MCTP2: variants seen among roughly 807,000 people sequenced by gnomAD.
MCTP2 encodes multiple C2 and transmembrane domain containing 2.
In MCTP2, 132 loss-of-function variants were observed where a neutral mutation model predicts 111.6. The observed-to-expected ratio is 1.18, with a 90% CI of 1.03 to 1.37. MCTP2 has a LOEUF of 1.37. Ranked by LOEUF, MCTP2 falls within the 40% of genes most tolerant of loss-of-function variation. MCTP2 has a pLI of 0.00. For synonymous variants in MCTP2, 395 were observed against 387.7 expected (o/e 1.02, Z -0.22); for missense variants, 1,183 against 1,067.9 (o/e 1.11, Z -1.50).
At chr15:94,248,499 C>G (rs1396764550) in intron 1 of MCTP2, among the ~76,000 whole-genome samples, 1 of 152,204 alleles carries the variant, frequency 6.6e-6, no homozygotes, top group Non-Finnish European at 1.5e-5. Context: ...ATTGGCCAGT[C>G]AGGTAAGCCT....
At chr15:94,421,434 T>C (rs1300407370) in intron 17 of MCTP2, among the ~76,000 whole-genome samples, 1 of 152,208 alleles carries the variant, frequency 6.6e-6, no homozygotes, top group African/African-American at 2.4e-5. Flanking sequence ...ACAAATGTAT[T>C]ATCTTACAGT....
chr15:94,441,586 GTGTA>G (rs2083782764), intron 18 of MCTP2, among the ~76,000 whole-genome samples: 2 of 152,268 alleles, frequency 1.3e-5, no homozygotes, highest in East Asian at 1.9e-4. Context: ...GCACATAAGT[GTGTA>G]TGTATGTATA....
At chr15:94,298,861 C>CCT in intron 2 of MCTP2, 131 bp downstream of exon 2, 2 of 401,772 alleles carry the variant, frequency 5.0e-6, no homozygotes, top group South Asian at 3.2e-5. Flanking sequence ...CCTCCCCCTC[C>CCT]CTCTCTCTCT....
upstream of MCTP2, chr15:94,231,397 C>A (rs2070152558): frequency 6.6e-6 from 1 of 152,374 alleles, no homozygotes; most frequent in Non-Finnish European, 1.5e-5. Flanking sequence ...CGCCTCCTTG[C>A]AACACCCGGC....
At chr15:94,410,860 G>A (rs557422840) in intron 17 of MCTP2, among the ~76,000 whole-genome samples, 21 of 152,298 alleles carry the variant, frequency 1.4e-4, no homozygotes, top group African/African-American at 5.1e-4. Flanking sequence ...GCCTGTGGCC[G>A]CATCAGTAGC....
At chr15:94,396,886 A>G (rs1319083005) in intron 14 of MCTP2, among the ~76,000 whole-genome samples, 1 of 152,224 alleles carries the variant, frequency 6.6e-6, no homozygotes, top group Non-Finnish European at 1.5e-5. Context: ...ACCAAGTCAT[A>G]TTGATAGATA....
At chr15:94,339,786 C>T (rs2077539518) in intron 5 of MCTP2, among the ~76,000 whole-genome samples, 1 of 152,176 alleles carries the variant, frequency 6.6e-6, no homozygotes, top group Non-Finnish European at 1.5e-5. Context: ...ATTGCTACAA[C>T]ATCTGGGTTA....
chr15:94,249,464 A>G (rs1049921492), intron 1 of MCTP2, among the ~76,000 whole-genome samples: 22 of 151,684 alleles, frequency 1.5e-4, no homozygotes, highest in South Asian at 2.1e-4. Flanking sequence ...GAATGACATC[A>G]TATTTCCCAC....
chr15:94,317,319 G>A (rs1218274960), intron 4 of MCTP2, among the ~76,000 whole-genome samples: 2 of 152,050 alleles, frequency 1.3e-5, no homozygotes, highest in African/African-American at 4.8e-5. Context: ...TGCTTACTAT[G>A]TCCTGCAATT....
At chr15:94,458,570 AAG>A (rs2084985265) in intron 20 of MCTP2, among the ~76,000 whole-genome samples, 1 of 152,246 alleles carries the variant, frequency 6.6e-6, no homozygotes, top group Non-Finnish European at 1.5e-5. Context: ...CAGAAATAAA[AAG>A]AGAAGCAAAT....
chr15:94,465,580 C>G (rs575665141), intron 20 of MCTP2, among the ~76,000 whole-genome samples: 16 of 152,092 alleles, frequency 1.1e-4, no homozygotes, highest in African/African-American at 3.9e-4. Context: ...TACAGTCTCA[C>G]CTTTCTTTTC....
At position 94,301,415 on chromosome 15, in the gene MCTP2, C is replaced by G. The variant is rs187303331; in HGVS notation, c.465+2685C>G. ...GTTCCAAAACTGAAGAACCTGGAGTCTGATGTTTAAGGCCCTGTCCCACTA... is the reference window on the plus strand; with the variant it reads ...GTTCCAAAACTGAAGAACCTGGAGTGTGATGTTTAAGGCCCTGTCCCACTA... On this transcript the variant is annotated intron_variant, in intron 2 of 22. Transcript: ENST00000357742. Among the ~76,000 whole-genome samples the G allele has an allele frequency of 7.2e-5, 11 of 152,294 alleles. No individual in the cohort carries two copies. The East Asian group carries it at 2.1e-3, about 29-fold the overall frequency.
At chr15:94,257,403 G>A (rs2072848477) in intron 1 of MCTP2, among the ~76,000 whole-genome samples, 1 of 151,906 alleles carries the variant, frequency 6.6e-6, no homozygotes, top group South Asian at 2.1e-4. Flanking sequence ...AATTTTGAGG[G>A]TAGATGCTAG....
intron 17 of MCTP2, among the ~76,000 whole-genome samples, chr15:94,422,588 G>A (rs149926004): frequency 2.3e-4 from 35 of 152,176 alleles, no homozygotes; most frequent in African/African-American, 8.4e-4. Flanking sequence ...CATGTCACCT[G>A]ATGTATCTAA....
intron 1 of MCTP2, among the ~76,000 whole-genome samples, chr15:94,269,897 A>C (rs892750927): frequency 6.6e-6 from 1 of 152,184 alleles, no homozygotes; most frequent in Non-Finnish European, 1.5e-5. Flanking sequence ...GTAAGGGAAG[A>C]TACCTCTAAA....
At chr15:94,379,247 G>A (rs1040859411) in intron 12 of MCTP2, among the ~76,000 whole-genome samples, 15 of 152,158 alleles carry the variant, frequency 9.9e-5, no homozygotes, top group African/African-American at 3.6e-4. Flanking sequence ...CAACCTTGCT[G>A]AAGAGTTGGT....
chr15:94,241,323 A>C (rs754831709), intron 1 of MCTP2, among the ~76,000 whole-genome samples: 1 of 152,194 alleles, frequency 6.6e-6, no homozygotes, highest in Non-Finnish European at 1.5e-5. Flanking sequence ...TATTCATTCC[A>C]ATAAGAAGCC....
At chr15:94,297,716 A>T (rs903217312) in intron 1 of MCTP2, among the ~76,000 whole-genome samples, 2 of 152,160 alleles carry the variant, frequency 1.3e-5, no homozygotes, top group African/African-American at 4.8e-5. Flanking sequence ...AGCAGAGTTG[A>T]GTAGTAGCGA....
intron 17 of MCTP2, among the ~76,000 whole-genome samples, chr15:94,429,403 C>G (rs749645756): frequency 3.3e-5 from 5 of 152,186 alleles, no homozygotes; most frequent in Non-Finnish European, 7.4e-5. Context: ...CTCCTGTCTA[C>G]AATTTTCCCC....
Sources: gnomAD v4.1 joint callset for allele counts (sites outside exome capture counted in the v4.1 genomes callset) on GRCh38, gnomAD v4.1.1 for gene constraint, MANE v1.5 for transcripts, NCBI Gene and HGNC (gene_info 2026-07-23, HGNC 2026-07-21) for gene names.